C8orf34: variants seen among roughly 807,000 people sequenced by gnomAD.
C8orf34 encodes uncharacterized protein C8orf34.
In C8orf34, 65 loss-of-function variants were observed where a neutral mutation model predicts 68.3. The observed-to-expected ratio is 0.95, with a 90% CI of 0.78 to 1.17. The LOEUF (loss-of-function observed/expected upper bound fraction) is 1.17, where lower values mean the gene tolerates loss of function less well. Among genes scored for constraint, C8orf34 ranks in the 50% most tolerant of loss-of-function variants. C8orf34 has a pLI of 0.00. For missense variants in C8orf34, 664 were observed against 655.4 expected, an observed-to-expected ratio of 1.01 and a Z score of -0.14; for synonymous variants, 244 against 241.2, an observed-to-expected ratio of 1.01 and a Z score of -0.11.
chr8:68,586,392 T>C (rs1817210809), intron 7 of C8orf34, among the ~76,000 whole-genome samples: 1 of 152,194 alleles, frequency 6.6e-6, no homozygotes, highest in Admixed American at 6.5e-5. Context: ...TGTTGTTTGC[T>C]TATGATTTCA....
chr8:68,603,565 C>A (rs529193178), intron 7 of C8orf34, among the ~76,000 whole-genome samples: 39,406 of 149,180 alleles, frequency 0.26, 7,502 homozygotes, highest in African/African-American at 0.54. Context: ...ATCTATCTAT[C>A]TATCTATCTT....
At chr8:68,789,758 G>C (rs900343973) in intron 12 of C8orf34, among the ~76,000 whole-genome samples, 1 of 151,878 alleles carries the variant, frequency 6.6e-6, no homozygotes, top group Non-Finnish European at 1.5e-5. Flanking sequence ...AGGACAGCTA[G>C]AAATTAAAAA....
intron 7 of C8orf34, among the ~76,000 whole-genome samples, chr8:68,572,316 CTT>C (rs1399703746): frequency 2.6e-5 from 4 of 151,836 alleles, no homozygotes; most frequent in Admixed American, 2.6e-4. Flanking sequence ...AATTGGTCTT[CTT>C]AAATGAAATT....
At chr8:68,816,050 A>G in intron 13 of C8orf34, 105 bp downstream of exon 13, 1 of 1,570,516 alleles carries the variant, frequency 6.4e-7, no homozygotes, top group Non-Finnish European at 8.7e-7. Flanking sequence ...CATGACCTCT[A>G]ATGAGAATAG....
chr8:68,465,840 T>C (rs1316167084), intron 3 of C8orf34, among the ~76,000 whole-genome samples: 2 of 151,752 alleles, frequency 1.3e-5, no homozygotes, highest in African/African-American at 2.4e-5. Context: ...TTAGGAGATA[T>C]ACCTAATGCT....
chr8:68,479,301 G>C (rs1812755609), intron 4 of C8orf34, among the ~76,000 whole-genome samples: 1 of 151,992 alleles, frequency 6.6e-6, no homozygotes, highest in South Asian at 2.1e-4. Flanking sequence ...GAGAAGATGT[G>C]AAAAGGGGCA....
At chr8:68,460,658 C>T (rs184949229) in intron 3 of C8orf34, among the ~76,000 whole-genome samples, 188 of 152,294 alleles carry the variant, frequency 1.2e-3, no homozygotes, top group Non-Finnish European at 2.2e-3. Flanking sequence ...TCTACAGCCA[C>T]GACTGCTGAT....
rs1234370188 is a variant in C8orf34, at chr8:68,533,140, G to A, written c.1096G>A (p.Glu366Lys). The change falls in exon 7 of 14, where the codon GAA (glutamate) becomes AAA (lysine). Residue 366 changes from glutamate to lysine, a missense_variant. Transcript: ENST00000518698. ...EDIDNEDDAM[E>K]LLEDLNDLRM... ...TATTGATAATGAAGATGATGCAATG[G>A]AATTGCTGGGTAATTTTAAAAATTA... 1 of 1,569,850 alleles carries A rather than the reference G, an allele frequency of 6.4e-7. No homozygotes were observed.
chr8:68,749,692 T>C (rs1258199102), intron 10 of C8orf34, among the ~76,000 whole-genome samples: 2 of 152,220 alleles, frequency 1.3e-5, no homozygotes, highest in Non-Finnish European at 2.9e-5. Flanking sequence ...AATGGAATAA[T>C]ACTGTATATG....
chr8:68,694,789 C>T (rs1467794677), intron 8 of C8orf34, among the ~76,000 whole-genome samples: 1 of 151,884 alleles, frequency 6.6e-6, no homozygotes, highest in African/African-American at 2.4e-5. Flanking sequence ...TTGGAATTTC[C>T]ATTACTTTTA....
At chr8:68,642,433 C>A (rs900875918) in intron 8 of C8orf34, among the ~76,000 whole-genome samples, 14 of 152,130 alleles carry the variant, frequency 9.2e-5, no homozygotes, top group Non-Finnish European at 7.4e-5. Flanking sequence ...TTGTCGAGAA[C>A]TATAGAGAAT....
intron 1 of C8orf34, among the ~76,000 whole-genome samples, chr8:68,332,775 G>T (rs1178462143): frequency 6.6e-6 from 1 of 152,190 alleles, no homozygotes; most frequent in Admixed American, 6.5e-5. Context: ...ATTGTGGGGT[G>T]CAGAGTCCTA....
At chr8:68,576,830 CAG>C (rs1023378738) in intron 7 of C8orf34, among the ~76,000 whole-genome samples, 19 of 151,850 alleles carry the variant, frequency 1.3e-4, no homozygotes, top group Non-Finnish European at 1.6e-4. Context: ...ATAAAAGAAA[CAG>C]ATTAAATTTA....
At position 68,640,492 on chromosome 8, in the gene C8orf34, A is replaced by T; in HGVS notation, c.1222A>T (p.Ile408Phe). 6.2e-7 allele frequency: 1 copy of T among 1,613,860 alleles called. No homozygotes were observed. The highest frequency in any genetic ancestry group is 8.5e-7 in the Non-Finnish European group (1 of 1,179,848). ...AEPQAKVTLN[I>F]CSRCARLQGD... Reference sequence around the variant, plus strand: ...GCCTCAGGCCAAGGTCACACTGAACATCTGTTCAAGGTGTGCCAGGTAAAA... The same window carrying T: ...GCCTCAGGCCAAGGTCACACTGAACTTCTGTTCAAGGTGTGCCAGGTAAAA... The change falls in exon 8 of 14, where the codon ATC becomes TTC. Residue 408 changes from isoleucine (I) to phenylalanine (F), a missense_variant. Ile to Phe is a conservative substitution (Grantham distance 21). Transcript: ENST00000518698.
intron 7 of C8orf34, among the ~76,000 whole-genome samples, chr8:68,593,187 A>G (rs568594788): frequency 6.6e-6 from 1 of 152,142 alleles, no homozygotes; most frequent in Non-Finnish European, 1.5e-5. Flanking sequence ...TTAGTCTATT[A>G]ATTAAATCAA....
chr8:68,370,792 C>A (rs1361839734), intron 1 of C8orf34, among the ~76,000 whole-genome samples: 1 of 152,182 alleles, frequency 6.6e-6, no homozygotes, highest in Non-Finnish European at 1.5e-5. Context: ...ATATTAATAT[C>A]CAGCTCAATA....
At chr8:68,804,413 A>C (rs979556346) in intron 12 of C8orf34, among the ~76,000 whole-genome samples, 3 of 152,234 alleles carry the variant, frequency 2.0e-5, no homozygotes, top group Admixed American at 2.0e-4. Context: ...CCCTTGAAGA[A>C]ATATAATATT....
At chr8:68,575,696 G>A (rs1044095151) in intron 7 of C8orf34, among the ~76,000 whole-genome samples, 31 of 152,134 alleles carry the variant, frequency 2.0e-4, no homozygotes, top group African/African-American at 6.7e-4. Context: ...TGCTTTTAAT[G>A]GAGTCCTGTG....
chr8:68,731,538 GA>G (rs1326077407), intron 10 of C8orf34, among the ~76,000 whole-genome samples: 2 of 151,972 alleles, frequency 1.3e-5, no homozygotes, highest in East Asian at 3.9e-4. Flanking sequence ...AATTGAATAT[GA>G]AAAGCCTTAC....
Sources: allele counts gnomAD v4.1 joint callset (sites outside exome capture counted in the v4.1 genomes callset), GRCh38; gene constraint gnomAD v4.1.1; transcripts MANE v1.5; gene names NCBI Gene and HGNC (gene_info 2026-07-23, HGNC 2026-07-21).